Variants in PLEKHM3 observed in about 807,000 individuals in gnomAD.
PLEKHM3 encodes pleckstrin homology domain containing M3, also known as pleckstrin homology domain-containing family M member 3.
In PLEKHM3, 45 loss-of-function variants were observed where a neutral mutation model predicts 81.8. The observed-to-expected ratio is 0.55, with a 90% confidence interval of 0.43 to 0.71. The LOEUF is 0.71. PLEKHM3 is among the 30% of genes least tolerant of loss of function. The pLI is 0.00. For missense variants in PLEKHM3, 788 were observed against 924.3 expected (o/e 0.85, Z 1.91); for synonymous variants, 352 against 356.4 (o/e 0.99, Z 0.14).
intron 7 of PLEKHM3, among the ~76,000 whole-genome samples, chr2:207,860,360 C>T (rs2092461386): frequency 6.6e-6 from 1 of 152,148 alleles, no homozygotes; most frequent in Non-Finnish European, 1.5e-5. Context: ...CTTCAACTCT[C>T]CCTGGCTGTA....
chr2:207,910,902 A>G (rs1172205995), intron 5 of PLEKHM3, among the ~76,000 whole-genome samples: 2 of 152,162 alleles, frequency 1.3e-5, no homozygotes, highest in South Asian at 4.1e-4. Context: ...AATTGAGAAC[A>G]TTGGGAATAA....
chr2:207,869,649 T>C (rs2092522023), intron 6 of PLEKHM3, among the ~76,000 whole-genome samples: 1 of 152,234 alleles, frequency 6.6e-6, no homozygotes, highest in South Asian at 2.1e-4. Flanking sequence ...AAATGTAGCA[T>C]CAAGCTTGTA....
intron 2 of PLEKHM3, among the ~76,000 whole-genome samples, chr2:207,986,206 C>A (rs751544524): frequency 2.6e-5 from 4 of 151,998 alleles, no homozygotes; most frequent in Admixed American, 6.5e-5. Context: ...TATTCCATAT[C>A]AAAATTATCT....
intron 7 of PLEKHM3, among the ~76,000 whole-genome samples, chr2:207,838,699 G>A (rs1296081517): frequency 2.0e-5 from 3 of 152,094 alleles, no homozygotes; most frequent in Non-Finnish European, 4.4e-5. Flanking sequence ...TTATTTTAAG[G>A]TTCATCTGGT....
At chr2:207,962,074 G>A (rs183975229) in intron 3 of PLEKHM3, among the ~76,000 whole-genome samples, 15 of 152,150 alleles carry the variant, frequency 9.9e-5, no homozygotes, top group East Asian at 5.8e-4. Context: ...TGTTATTCAC[G>A]AGCCCCTAAG....
intron 5 of PLEKHM3, among the ~76,000 whole-genome samples, chr2:207,928,385 C>G (rs1689476937): frequency 6.6e-6 from 1 of 152,182 alleles, no homozygotes; most frequent in South Asian, 2.1e-4. Context: ...AGGATTAATT[C>G]TAGTAGAGAA....
At chr2:207,856,915 G>C (rs1273256117) in intron 7 of PLEKHM3, among the ~76,000 whole-genome samples, 1 of 151,944 alleles carries the variant, frequency 6.6e-6, no homozygotes, top group East Asian at 1.9e-4. Flanking sequence ...ATCATACTTT[G>C]CATGATTTCT....
Position 208,001,096 on chromosome 2 carries a change from G to A in PLEKHM3, c.544C>T (p.His182Tyr), listed in dbSNP as rs2106090785. The change falls in exon 2 of 8, where the codon CAT (histidine) becomes TAT (tyrosine). Residue 182 changes from histidine (H) to tyrosine (Y), a missense_variant. Coordinates refer to ENST00000427836, the MANE Select transcript of PLEKHM3 (RefSeq NM_001080475.3). ...AACAGAAAAGATGGCCTGGTGACAT[G>A]CGGGCCTTGAAGCAATGGCTGCTGC... ...QQQQPLLQGP[H>Y]VTRPSFLLPS... 2 of 1,580,220 alleles carry A rather than the reference G, an allele frequency of 1.3e-6. No individual in the cohort carries two copies. The highest frequency in any genetic ancestry group is 2.4e-5 in the East Asian group (1 of 42,214).
intron 6 of PLEKHM3, chr2:207,869,809 C>T (rs1196349141): frequency 1.3e-5 from 2 of 152,150 alleles, no homozygotes; most frequent in Non-Finnish European, 2.9e-5. Context: ...TATGCTTACC[C>T]TTCTTGTGTG....
chr2:207,893,670 T>C (rs1352867103), intron 6 of PLEKHM3, among the ~76,000 whole-genome samples: 1 of 152,100 alleles, frequency 6.6e-6, no homozygotes, highest in African/African-American at 2.4e-5. Context: ...TATATATGCA[T>C]GACAGAGAGA....
intron 3 of PLEKHM3, among the ~76,000 whole-genome samples, chr2:207,961,946 G>T (rs1690749557): frequency 6.6e-6 from 1 of 152,160 alleles, no homozygotes; most frequent in Non-Finnish European, 1.5e-5. Flanking sequence ...TTTTTGCTGT[G>T]GAAATGTCCA....
chr2:207,926,944 G>A (rs942437190), intron 5 of PLEKHM3, among the ~76,000 whole-genome samples: 1 of 152,218 alleles, frequency 6.6e-6, no homozygotes, highest in African/African-American at 2.4e-5. Flanking sequence ...TCTCACGACA[G>A]CAATATTAAC....
chr2:207,852,440 A>G (rs1335653062), intron 7 of PLEKHM3, among the ~76,000 whole-genome samples: 1 of 152,218 alleles, frequency 6.6e-6, no homozygotes, highest in Non-Finnish European at 1.5e-5. Flanking sequence ...TATATCTGTC[A>G]GAGGTGGGAT....
chr2:207,845,919 A>G (rs1234059751), intron 7 of PLEKHM3, among the ~76,000 whole-genome samples: 1 of 152,206 alleles, frequency 6.6e-6, no homozygotes, highest in Non-Finnish European at 1.5e-5. Flanking sequence ...ACAGAATAAA[A>G]ATCAGCCAAC....
At chr2:207,854,509 T>A (rs1302168961) in intron 7 of PLEKHM3, among the ~76,000 whole-genome samples, 1 of 152,228 alleles carries the variant, frequency 6.6e-6, no homozygotes, top group East Asian at 1.9e-4. Context: ...TAAAACATTT[T>A]TATAGACATG....
intron 4 of PLEKHM3, 64 bp from the exon 5 acceptor site, chr2:207,931,183 T>C: frequency 1.4e-6 from 2 of 1,401,812 alleles, no homozygotes; most frequent in Non-Finnish European, 1.9e-6. Flanking sequence ...CTGCTCAAAC[T>C]AGGAACCATA....
rs182292146 is a variant in PLEKHM3, at chr2:207,850,486, G to A, written c.2108+10619C>T. On this transcript the variant is annotated intron_variant, in intron 7 of 7. Transcript: ENST00000427836. The stretch of plus-strand genomic sequence containing the variant: ...TGGACAGGACAGAAATGATGGAACT[G>A]ATTTATCACAGTTGGTTTATTTTCT... Among the ~76,000 whole-genome samples the A allele has an allele frequency of 1.0e-3, 159 of 152,334 alleles. 1 individual carries two copies. The highest frequency in any genetic ancestry group is 3.8e-3 in the African/African-American group (156 of 41,580).
rs1194861994 is a variant in PLEKHM3, at chr2:207,837,761, A to ATTTTTTTTT, written c.2109-9274_2109-9266dup. Among the ~76,000 whole-genome samples, 2 of 74,738 alleles carry ATTTTTTTTT rather than the reference A, an allele frequency of 2.7e-5. 1 individual carries two copies. Among genetic ancestry groups the ATTTTTTTTT allele is most frequent in the African/African-American group, 1.0e-4 (2 of 19,418 alleles). 49.0% of individuals were successfully genotyped at this position (74,738 alleles called of 152,430 possible). On this transcript the variant is annotated intron_variant, in intron 7 of 7. Transcript: ENST00000427836. ...GCCACGGCGCCTGGCCGGTTCTTCCATTTTTTTTTTTTTTTTTTTTTTTTT... is the reference window on the plus strand; with the variant it reads ...GCCACGGCGCCTGGCCGGTTCTTCCATTTTTTTTTTTTTTTTTTTTTTTTTTTTTTTTTT...
rs2092263472 is a variant in PLEKHM3 at position 207,828,190 on chromosome 2, A to G, written c.*129T>C. On this transcript the variant is annotated 3_prime_UTR_variant, in exon 8 of 8. Transcript: ENST00000427836. Reference sequence around the variant, plus strand: ...TATTTGCGTATATATAAATAAATATATATATCTATATCTAGTTGAAGAGGA... The same window carrying G: ...TATTTGCGTATATATAAATAAATATGTATATCTATATCTAGTTGAAGAGGA... 2 of 713,002 alleles carry G rather than the reference A, an allele frequency of 2.8e-6. No individual in the cohort carries two copies. The highest frequency in any genetic ancestry group is 2.9e-5 in the South Asian group (1 of 34,260). 44.2% of individuals were successfully genotyped at this position (713,002 alleles called of 1,614,324 possible).
Sources: allele counts gnomAD v4.1 joint callset (sites outside exome capture counted in the v4.1 genomes callset), GRCh38; gene constraint gnomAD v4.1.1; transcripts MANE v1.5; gene names NCBI Gene and HGNC (gene_info 2026-07-23, HGNC 2026-07-21).